Variants in OR1S2 observed in about 807,000 individuals in gnomAD.
OR1S2 encodes olfactory receptor 1S2.
In OR1S2, 1 loss-of-function variant was observed where a neutral mutation model predicts 1.7. That is an observed-to-expected ratio of 0.59 (90% CI 0.21 to 2.81). The LOEUF is 2.81. Among genes scored for constraint, OR1S2 ranks in the 30% most tolerant of loss-of-function variants. The probability of loss-of-function intolerance (pLI) is 0.22; values close to 1 mark genes in which losing one functional copy is unlikely to be tolerated. For missense variants in OR1S2, 391 were observed against 371.6 expected, an observed-to-expected ratio of 1.05 and a Z score of -0.43; for synonymous variants, 157 against 145.3, an observed-to-expected ratio of 1.08 and a Z score of -0.58.
chr11:58,203,484 C>A (rs1237353845), exon 1 of OR1S2: 2 of 1,613,864 alleles, frequency 1.2e-6, no homozygotes, highest in East Asian at 4.5e-5. Flanking sequence ...TCTGATGATG[C>A]AGACATAGGA....
exon 1 of OR1S2, chr11:58,204,122 G>C: frequency 6.2e-7 from 1 of 1,613,944 alleles, no homozygotes; most frequent in East Asian, 2.2e-5. Flanking sequence ...CAGTGATGGT[G>C]GTTTGGTTTT....
exon 1 of OR1S2, chr11:58,203,321 A>C: frequency 6.2e-7 from 1 of 1,614,112 alleles, no homozygotes; most frequent in Non-Finnish European, 8.5e-7. Flanking sequence ...ATAGGACAGC[A>C]CCAATCTTAT....
rs368627161 is a variant in OR1S2 at position 58,203,467 on chromosome 11, G to T, written c.676C>A (p.Leu226Met). ...TTTCCCTGTGTGGATGATACTCCCAGGACAGCTCTGATGATGCAGACATAG... is the reference window on the plus strand; with the variant it reads ...TTTCCCTGTGTGGATGATACTCCCATGACAGCTCTGATGATGCAGACATAG... Residue 226 changes from leucine (L) to methionine (M), a missense_variant, in exon 1 of 1, where the codon CTG becomes ATG. Physicochemically the swap from Leu to Met is conservative, Grantham distance 15 (BLOSUM62 2). Transcript: ENST00000641683. 4.3e-5 allele frequency: 70 copies of T among 1,613,928 alleles called. No individual in the cohort carries two copies. The highest frequency in any genetic ancestry group is 4.4e-5 in the Non-Finnish European group (52 of 1,179,984).
chr11:58,203,713 G>T, exon 1 of OR1S2: 2 of 1,614,126 alleles, frequency 1.2e-6, no homozygotes, highest in Non-Finnish European at 1.7e-6. Flanking sequence ...ATGACTGTGA[G>T]CAAAGTGCCG....
chr11:58,203,521 T>C, exon 1 of OR1S2: 2 of 1,614,086 alleles, frequency 1.2e-6, no homozygotes, highest in Non-Finnish European at 1.7e-6. Flanking sequence ...AAGGGGAAGA[T>C]GATAACTGAT....
chr11:58,203,566 T>A (rs775290144), exon 1 of OR1S2: 24 of 1,613,930 alleles, frequency 1.5e-5, no homozygotes, highest in African/African-American at 4.0e-5. Flanking sequence ...TCATTGATCA[T>A]TGTATCTGAA....
At chr11:58,203,373 C>T in exon 1 of OR1S2, 2 of 1,613,976 alleles carry the variant, frequency 1.2e-6, no homozygotes, top group Non-Finnish European at 1.7e-6. Flanking sequence ...AAAGTACACG[C>T]CTACAGTGGT....
exon 1 of OR1S2, chr11:58,203,777 G>A (rs1277561254): frequency 6.2e-7 from 1 of 1,613,992 alleles, no homozygotes; most frequent in African/African-American, 1.3e-5. Flanking sequence ...TCGCCACAAA[G>A]TGGTCGAAGG....
exon 1 of OR1S2, chr11:58,203,757 G>A (rs1854877247): frequency 6.2e-7 from 1 of 1,613,938 alleles, no homozygotes; most frequent in Non-Finnish European, 8.5e-7. Flanking sequence ...ATAGTTCAGA[G>A]GGTGGCAGAT....
exon 1 of OR1S2, chr11:58,203,668 G>C: frequency 6.2e-7 from 1 of 1,614,162 alleles, no homozygotes; most frequent in Non-Finnish European, 8.5e-7. Context: ...AGAAGGGTGT[G>C]TGTAAGAGCA....
chr11:58,204,047 C>G (rs1226802176), exon 1 of OR1S2: 1 of 1,613,856 alleles, frequency 6.2e-7, no homozygotes. Context: ...CATACATACT[C>G]AGGAAAAGCA....
exon 1 of OR1S2, chr11:58,204,063 A>T: frequency 6.2e-7 from 1 of 1,613,994 alleles, no homozygotes; most frequent in Non-Finnish European, 8.5e-7. Flanking sequence ...AAGCACAAAG[A>T]GGAGGTTTTG....
chr11:58,203,303 C>T (rs1409361472), exon 1 of OR1S2: 2 of 1,613,992 alleles, frequency 1.2e-6, no homozygotes, highest in Non-Finnish European at 1.7e-6. Context: ...TGGGTGTCAC[C>T]ACAGTGAATA....
chr11:58,203,291 C>G (rs1271045719), exon 1 of OR1S2: 8 of 1,614,092 alleles, frequency 5.0e-6, no homozygotes, highest in South Asian at 1.1e-5. Context: ...AGGGGTTCAT[C>G]ATGGGTGTCA....
exon 1 of OR1S2, chr11:58,204,039 T>A (rs746427981): frequency 6.2e-7 from 1 of 1,613,966 alleles, no homozygotes; most frequent in Non-Finnish European, 8.5e-7. Context: ...AGTGACCACA[T>A]ACATACTCAG....
At chr11:58,204,137 A>T (rs777467503) in exon 1 of OR1S2, 1 of 1,613,862 alleles carries the variant, frequency 6.2e-7, no homozygotes, top group East Asian at 2.2e-5. Context: ...GGTTTTCTTG[A>T]TGCATATTTC....
Position 58,203,391 on chromosome 11 carries a change from A to G in OR1S2, c.752T>C (p.Phe251Ser). 6.2e-7 allele frequency: 1 copy of G among 1,614,064 alleles called. No homozygotes were observed. Among genetic ancestry groups the G allele is most frequent in the Non-Finnish European group, 8.5e-7 (1 of 1,179,968 alleles). ...GTACACGCCTACAGTGGTTCCGTAG[A>G]ACAGTAATGCAATTGTCAGGTGAGA... The change falls in exon 1 of 1, where the codon TTC (phenylalanine) becomes TCC (serine). Residue 251 changes from phenylalanine (F) to serine (S), a missense_variant. Phe to Ser is a radical substitution (Grantham distance 155). Coordinates refer to ENST00000641683, the Ensembl canonical transcript of OR1S2.
Position 58,203,261 on chromosome 11 carries a change from A to C in OR1S2, c.882T>G (p.Asn294Lys), listed in dbSNP as rs763409636. The C allele has an allele frequency of 2.7e-5, 43 of 1,613,914 alleles. No homozygotes were observed. The Middle Eastern group carries it at 9.9e-4, about 37-fold the overall frequency. ...TTCTCAGGGCACCTTTCATATCCTT[A>C]TTCCTCAAGCTGTAGATGAAGGGGT... The change falls in exon 1 of 1, where the codon AAT (asparagine) becomes AAG (lysine). Residue 294 changes from asparagine (N) to lysine (K), a missense_variant. Coordinates refer to ENST00000641683, the Ensembl canonical transcript of OR1S2.
exon 1 of OR1S2, chr11:58,203,758 G>C: frequency 1.2e-6 from 2 of 1,614,046 alleles, no homozygotes; most frequent in Non-Finnish European, 1.7e-6. Context: ...TAGTTCAGAG[G>C]GTGGCAGATC....
Sources: allele counts gnomAD v4.1 joint callset, GRCh38; gene constraint gnomAD v4.1.1; transcripts MANE v1.5; gene names NCBI Gene and HGNC (gene_info 2026-07-23, HGNC 2026-07-21).